The following LRRC63 variants were observed in gnomAD, a reference collection of about 807,000 sequenced individuals.
LRRC63 encodes leucine rich repeat containing 63.
LRRC63 carries 40 observed loss-of-function variants against 49.5 expected under a neutral mutation model. The ratio of observed to expected loss-of-function variants is 0.81; its 90% confidence interval spans 0.63 to 1.05. The LOEUF (loss-of-function observed/expected upper bound fraction) is 1.05, where lower values mean the gene tolerates loss of function less well. Ranked by LOEUF, LRRC63 falls within the 50% of genes least tolerant of loss-of-function variation. The probability of loss-of-function intolerance (pLI) is 0.00; values close to 1 mark genes in which losing one functional copy is unlikely to be tolerated. For missense variants in LRRC63, 636 were observed against 663.1 expected (o/e 0.96, Z 0.45); for synonymous variants, 191 against 221.1 (o/e 0.86, Z 1.21).
intron 7 of LRRC63, among the ~76,000 whole-genome samples, chr13:46,257,270 A>G (rs1166719967): frequency 1.3e-5 from 2 of 152,236 alleles, no homozygotes; most frequent in African/African-American, 4.8e-5. Context: ...AACAGCCTGC[A>G]TGAGTAAGAA....
chr13:46,221,842 T>C (rs903897000), intron 2 of LRRC63, among the ~76,000 whole-genome samples: 3 of 152,210 alleles, frequency 2.0e-5, no homozygotes, highest in East Asian at 1.9e-4. Flanking sequence ...ATCTCAGGCC[T>C]TGGACGTTTT....
chr13:46,275,210 C>T (rs954056799), intron 9 of LRRC63, among the ~76,000 whole-genome samples: 5 of 152,140 alleles, frequency 3.3e-5, no homozygotes, highest in Admixed American at 6.5e-5. Context: ...TTTTCTTTAT[C>T]CATTCATCTG....
Position 46,266,715 on chromosome 13 carries a change from G to T in LRRC63, c.1311-18G>T. On this transcript the variant is annotated intron_variant, in intron 8 of 9. Transcript: ENST00000595396. ...AATTGTATAATACCTTTTAAAGTGT[G>T]GTTTCCTTTATTTACAGATCACTTG... 3 of 1,515,130 alleles carry T rather than the reference G, an allele frequency of 2.0e-6. No individual in the cohort carries two copies. Among genetic ancestry groups the T allele is most frequent in the Non-Finnish European group, 2.6e-6 (3 of 1,132,976 alleles). 93.9% of individuals were successfully genotyped at this position (1,515,130 alleles called of 1,614,324 possible).
rs1161674274 is a variant in LRRC63, at chr13:46,276,836, ATATATATATATATATT to A, written c.*63_*78del. On this transcript the variant is annotated 3_prime_UTR_variant, in exon 10 of 10. Coordinates refer to ENST00000595396, the Ensembl canonical transcript of LRRC63. ...ATTTATCGTATGTGTGTGTATATATATATATATATATATATTTATATATATATATATTTATATATAT... is the reference window on the plus strand; with the variant it reads ...ATTTATCGTATGTGTGTGTATATATATATATATATATATATTTATATATAT... 2.9e-3 allele frequency: 442 copies of A among 153,696 alleles called. 1 individual carries two copies. The highest frequency in any genetic ancestry group is 4.6e-3 in the South Asian group (21 of 4,536). 9.5% of individuals were successfully genotyped at this position (153,696 alleles called of 1,614,324 possible).
intron 9 of LRRC63, among the ~76,000 whole-genome samples, chr13:46,276,245 A>T (rs1344929803): frequency 6.6e-6 from 1 of 152,098 alleles, no homozygotes; most frequent in Non-Finnish European, 1.5e-5. Flanking sequence ...TGTTTATTAT[A>T]AAAAATTAGA....
intron 9 of LRRC63, among the ~76,000 whole-genome samples, chr13:46,268,744 T>G (rs534139359): frequency 5.3e-5 from 8 of 151,548 alleles, no homozygotes; most frequent in Admixed American, 1.3e-4. Flanking sequence ...GAAAAATGAT[T>G]CCAGAAGCAA....
rs1056719327 is a variant in LRRC63, at chr13:46,266,832, C to A, written c.1410C>A (p.Phe470Leu). Reference sequence around the variant, plus strand: ...CAAAAATTCAGTTTGAGAATAATTTCACTCATCCTTGTTTTTGGAGAGATA... The same window carrying A: ...CAAAAATTCAGTTTGAGAATAATTTAACTCATCCTTGTTTTTGGAGAGATA... The change falls in exon 9 of 10, where the codon TTC becomes TTA. Residue 470 changes from phenylalanine (F) to leucine (L), a missense_variant. Transcript: ENST00000595396. 7.1e-6 allele frequency: 11 copies of A among 1,549,830 alleles called. No individual in the cohort carries two copies. The African/African-American group carries it at 1.4e-4, about 19-fold the overall frequency.
chr13:46,257,703 G>A (rs1182421711), intron 7 of LRRC63, among the ~76,000 whole-genome samples: 2 of 152,134 alleles, frequency 1.3e-5, no homozygotes, highest in African/African-American at 2.4e-5. Flanking sequence ...TAATTTAACA[G>A]TATTTTATTA....
intron 9 of LRRC63, among the ~76,000 whole-genome samples, chr13:46,269,223 A>AC (rs1555330031): frequency 1.3e-5 from 2 of 151,674 alleles, no homozygotes; most frequent in South Asian, 2.1e-4. Flanking sequence ...AAAAAAAAAA[A>AC]CCCTAACATA....
intron 7 of LRRC63, 62 bp downstream of exon 7, chr13:46,250,553 A>G (rs1421863397): frequency 1.0e-5 from 14 of 1,349,848 alleles, no homozygotes; most frequent in East Asian, 2.6e-5. Flanking sequence ...AAAAAGATCA[A>G]TTTCCCCTTT....
At chr13:46,263,488 A>G (rs1356794745) in intron 8 of LRRC63, among the ~76,000 whole-genome samples, 3 of 151,958 alleles carry the variant, frequency 2.0e-5, no homozygotes, top group African/African-American at 7.3e-5. Flanking sequence ...CTATTTGGCT[A>G]TCTTTCCTTT....
intron 4 of LRRC63, among the ~76,000 whole-genome samples, chr13:46,230,589 T>G (rs2046721830): frequency 6.6e-6 from 1 of 152,198 alleles, no homozygotes; most frequent in Non-Finnish European, 1.5e-5. Flanking sequence ...AGTCTGATAT[T>G]CTATGGGAGG....
chr13:46,251,775 CAT>C (rs1398510554), intron 7 of LRRC63, among the ~76,000 whole-genome samples: 2 of 151,786 alleles, frequency 1.3e-5, no homozygotes, highest in East Asian at 3.9e-4. Flanking sequence ...AGCATCTAAA[CAT>C]GAATTCCTAC....
chr13:46,240,093 A>C (rs1594053313), intron 5 of LRRC63, among the ~76,000 whole-genome samples: 1 of 151,606 alleles, frequency 6.6e-6, no homozygotes, highest in African/African-American at 2.4e-5. Flanking sequence ...AACTGGAACA[A>C]GTCAAGGATA....
chr13:46,215,347 A>G (rs1221046229), intron 2 of LRRC63, among the ~76,000 whole-genome samples: 2 of 152,032 alleles, frequency 1.3e-5, no homozygotes, highest in African/African-American at 4.8e-5. Context: ...TTTGATTTGC[A>G]TTTCTCAGAT....
chr13:46,218,486 T>G (rs1469468203), intron 2 of LRRC63, among the ~76,000 whole-genome samples: 1 of 152,216 alleles, frequency 6.6e-6, no homozygotes, highest in African/African-American at 2.4e-5. Context: ...ATTTTGAGCC[T>G]ATGTGTGTCT....
intron 2 of LRRC63, among the ~76,000 whole-genome samples, chr13:46,215,889 C>T (rs2046237460): frequency 6.6e-6 from 1 of 152,102 alleles, no homozygotes; most frequent in Non-Finnish European, 1.5e-5. Context: ...TTCCCCATTG[C>T]TTGTTTTTGT....
At chr13:46,246,697 T>C (rs2047223485) in intron 6 of LRRC63, 72 bp downstream of exon 6, 1 of 678,240 alleles carries the variant, frequency 1.5e-6, no homozygotes, top group Non-Finnish European at 2.1e-6. Context: ...AATAGACGTC[T>C]TTTAATACCT....
chr13:46,264,583 G>A (rs1213451399), intron 8 of LRRC63, among the ~76,000 whole-genome samples: 2 of 151,982 alleles, frequency 1.3e-5, no homozygotes, highest in Non-Finnish European at 2.9e-5. Context: ...GAACATCTCT[G>A]CGTGTCTGTG....
Sources: allele counts gnomAD v4.1 joint callset (sites outside exome capture counted in the v4.1 genomes callset), GRCh38; gene constraint gnomAD v4.1.1; transcripts MANE v1.5; gene names NCBI Gene and HGNC (gene_info 2026-07-23, HGNC 2026-07-21).